The following NPHP1 variants were observed in gnomAD, a reference collection of about 807,000 sequenced individuals.
The protein encoded by NPHP1 is nephrocystin 1, also known as nephrocystin-1.
NPHP1 carries 70 observed loss-of-function variants against 90.4 expected under a neutral mutation model. That is an observed-to-expected ratio of 0.77 (90% CI 0.64 to 0.95). The LOEUF is 0.95. NPHP1 is among the 40% of genes least tolerant of loss of function. The pLI is 0.00. For missense variants in NPHP1, 764 were observed against 795.9 expected (o/e 0.96, Z 0.48); for synonymous variants, 256 against 271.7 (o/e 0.94, Z 0.57).
At chr2:110,161,940 A>T (rs957435904) in intron 9 of NPHP1, among the ~76,000 whole-genome samples, 1 of 152,174 alleles carries the variant, frequency 6.6e-6, no homozygotes, top group Non-Finnish European at 1.5e-5. Flanking sequence ...CTTTTAGGCC[A>T]ATAATATGCC....
In NPHP1 at chr2:110,168,614, A is replaced by C; in HGVS notation, c.523-61T>G. 5 of 1,060,280 alleles carry C rather than the reference A, an allele frequency of 4.7e-6. No homozygotes were observed. In the South Asian group the frequency reaches 6.5e-5, roughly 14 times the overall value. The allele number at this position is 1,060,280 out of a possible 1,614,324, so 65.7% of individuals were successfully genotyped here. ...ATTCAATAATCATGAGTATATGTCA[A>C]TACCAATGATTCAAAATATGTGCTG... On this transcript the variant is annotated intron_variant, in intron 5 of 19. Transcript: ENST00000445609.
chr2:110,168,680 A>G (rs1682893384), intron 5 of NPHP1, 127 bp from the exon 6 acceptor site: 2 of 681,160 alleles, frequency 2.9e-6, no homozygotes, highest in South Asian at 1.8e-5. Flanking sequence ...TATTTATCCT[A>G]AGGTTTATCA....
chr2:110,183,341 A>T (rs1175018627), intron 2 of NPHP1, among the ~76,000 whole-genome samples: 1 of 152,216 alleles, frequency 6.6e-6, no homozygotes, highest in East Asian at 1.9e-4. Flanking sequence ...AGCATGAGCG[A>T]TCTGTGCCTT....
intron 11 of NPHP1, among the ~76,000 whole-genome samples, chr2:110,150,635 C>T (rs964614581): frequency 2.6e-5 from 4 of 151,782 alleles, no homozygotes; most frequent in Admixed American, 6.6e-5. Context: ...CTGCAACCTC[C>T]GCCTCCCAGG....
intron 2 of NPHP1, among the ~76,000 whole-genome samples, chr2:110,196,217 A>G (rs1685153258): frequency 1.3e-5 from 2 of 152,142 alleles, no homozygotes; most frequent in Non-Finnish European, 2.9e-5. Context: ...GTGAACAGGC[A>G]ACCTACAGAA....
intron 16 of NPHP1, among the ~76,000 whole-genome samples, chr2:110,133,180 G>A (rs1178845108): frequency 1.3e-5 from 2 of 151,806 alleles, no homozygotes; most frequent in Non-Finnish European, 2.9e-5. Flanking sequence ...GGTAGACTTA[G>A]GACACTCATG....
At chr2:110,200,581 A>T (rs899630494) in intron 2 of NPHP1, among the ~76,000 whole-genome samples, 4 of 152,274 alleles carry the variant, frequency 2.6e-5, no homozygotes, top group South Asian at 2.1e-4. Flanking sequence ...AAATAATAAT[A>T]ATTATGATTT....
intron 2 of NPHP1, among the ~76,000 whole-genome samples, chr2:110,195,592 T>C (rs1346852486): frequency 1.3e-5 from 2 of 152,170 alleles, no homozygotes; most frequent in Admixed American, 1.3e-4. Flanking sequence ...AGGTAATTTA[T>C]AGATTCAATG....
At position 110,160,237 on chromosome 2, in the gene NPHP1, G is replaced by A. The variant is rs748435719; in HGVS notation, c.973C>T (p.Arg325Cys). ...TEGTIRSRPSRISLILTLWSC... is the reference protein window; with the variant it reads ...TEGTIRSRPSCISLILTLWSC... ...CATAATGTCAGAATCAATGAAATAC[G>A]ACTTGGTCTCGACCTAATCTGAAAG... Residue 325 changes from arginine (R) to cysteine (C), a missense_variant, in exon 11 of 20, where the codon CGT (arginine) becomes TGT (cysteine). Physicochemically the swap from Arg to Cys is radical, Grantham distance 180. Coordinates refer to ENST00000445609, the MANE Select transcript of NPHP1 (RefSeq NM_001128178.3). 5.6e-6 allele frequency: 9 copies of A among 1,610,318 alleles called. No individual in the cohort carries two copies. The Admixed American group carries it at 6.7e-5, about 12-fold the overall frequency.
At chr2:110,164,839 A>G in intron 7 of NPHP1, 109 bp from the exon 8 acceptor site, 1 of 1,090,260 alleles carries the variant, frequency 9.2e-7, no homozygotes, top group Non-Finnish European at 1.4e-6. Flanking sequence ...TGAAAATCTA[A>G]CAGTTTCCAG....
rs149439106 is a variant in NPHP1, at chr2:110,148,791, A to T, written c.1159-765T>A. On this transcript the variant is annotated intron_variant, in intron 12 of 19. Transcript: ENST00000445609. Reference sequence around the variant, plus strand: ...AACAAAAATTAAAGACTGAATACACATATTTGCTCAACTTTCCTAATGTGT... The same window carrying T: ...AACAAAAATTAAAGACTGAATACACTTATTTGCTCAACTTTCCTAATGTGT... 8.3e-4 allele frequency among the ~76,000 whole-genome samples: 127 copies of T among 152,280 alleles called. 1 individual carries two copies. In the East Asian group the frequency reaches 0.014, roughly 17 times the overall value.
At chr2:110,164,502 AC>A in intron 8 of NPHP1, 185 bp downstream of exon 8, 10 of 1,249,102 alleles carry the variant, frequency 8.0e-6, no homozygotes, top group Non-Finnish European at 1.1e-5. Flanking sequence ...AAAAAAAAAA[AC>A]TAATGAGAAA....
chr2:110,140,197 A>C (rs1276918530), intron 16 of NPHP1, among the ~76,000 whole-genome samples: 1 of 152,090 alleles, frequency 6.6e-6, no homozygotes, highest in Non-Finnish European at 1.5e-5. Context: ...AGGCAATTTC[A>C]AGCCAGCACT....
In NPHP1 at chr2:110,169,845, T is replaced by G; in HGVS notation, c.483A>C (p.Gly161=). ...CTCCAACTTGCTGAGCAGTAAAATC[T>G]CCAACAGCGATGTATTCTTCACCGG... ...WSTGEEYIAV[G]DFTAQQVGDL... is the part of the protein sequence containing the mutation. Residue 161 remains glycine, a synonymous_variant, in exon 5 of 20, where the codon GGA becomes GGC. Coordinates refer to ENST00000445609, the MANE Select transcript of NPHP1 (RefSeq NM_001128178.3). 6.2e-7 allele frequency: 1 copy of G among 1,613,726 alleles called. No homozygotes were observed. Among genetic ancestry groups the G allele is most frequent in the Non-Finnish European group, 8.5e-7 (1 of 1,179,776 alleles).
chr2:110,145,343 C>A (rs952179287), intron 14 of NPHP1, among the ~76,000 whole-genome samples: 1 of 152,120 alleles, frequency 6.6e-6, no homozygotes, highest in Non-Finnish European at 1.5e-5. Context: ...CAGGCTAGAG[C>A]GCAGTGGCAT....
chr2:110,191,075 C>A (rs781710549), intron 2 of NPHP1, among the ~76,000 whole-genome samples: 1 of 152,134 alleles, frequency 6.6e-6, no homozygotes, highest in Non-Finnish European at 1.5e-5. Context: ...CAGTCTACAG[C>A]TCCCAGAGTG....
Position 110,160,200 on chromosome 2 carries a change from AT to A in NPHP1, c.1009del (p.Met337Ter). On this transcript the variant is annotated frameshift_variant, in exon 11 of 20. Transcript: ENST00000445609. LOFTEE classifies it high-confidence loss of function. ...SLILTLWSCK[M>X]IPLPGMSIQV... ...TATGCTCATTCCTGGAAGAGGAATC[AT>A]TTTACAGCTCCATAATGTCAGAATC... 6.2e-7 allele frequency: 1 copy of A among 1,612,090 alleles called. No homozygotes were observed. The highest frequency in any genetic ancestry group is 8.5e-7 in the Non-Finnish European group (1 of 1,178,228).
intron 18 of NPHP1, chr2:110,128,689 C>T (rs1341115026): frequency 5.9e-6 from 1 of 169,444 alleles, no homozygotes; most frequent in African/African-American, 2.4e-5. Context: ...AGCTCTTCTA[C>T]TTATTGACCC....
At chr2:110,139,989 C>T (rs1680510722) in intron 16 of NPHP1, among the ~76,000 whole-genome samples, 1 of 152,076 alleles carries the variant, frequency 6.6e-6, no homozygotes, top group South Asian at 2.1e-4. Context: ...CAGGCTGGTG[C>T]CTAGTCTCTT....
Sources: allele counts gnomAD v4.1 joint callset (sites outside exome capture counted in the v4.1 genomes callset), GRCh38; gene constraint gnomAD v4.1.1; transcripts MANE v1.5; gene names NCBI Gene and HGNC (gene_info 2026-07-23, HGNC 2026-07-21).